Variants in NCAPD3 observed in about 807,000 individuals in gnomAD.
NCAPD3 encodes the protein non-SMC condensin II complex subunit D3.
In NCAPD3, 105 loss-of-function variants were observed where a neutral mutation model predicts 182.9. The observed-to-expected ratio is 0.57, with a 90% CI of 0.49 to 0.68. The LOEUF (loss-of-function observed/expected upper bound fraction) is 0.68, where lower values mean the gene tolerates loss of function less well. Ranked by LOEUF, NCAPD3 falls within the 30% of genes least tolerant of loss-of-function variation. The pLI is 0.00. For missense variants in NCAPD3, 1,944 were observed against 1,837.0 expected, an observed-to-expected ratio of 1.06 and a Z score of -1.07; for synonymous variants, 815 against 679.9, an observed-to-expected ratio of 1.20 and a Z score of -3.09.
At chr11:134,176,235 A>C in intron 24 of NCAPD3, 72 bp downstream of exon 24, 1 of 1,427,874 alleles carries the variant, frequency 7.0e-7, no homozygotes, top group Non-Finnish European at 9.8e-7. Context: ...CCAATCTGAA[A>C]AAAAAAGAAA....
chr11:134,178,455 C>T, intron 22 of NCAPD3, 179 bp downstream of exon 22: 1 of 438,156 alleles, frequency 2.3e-6, no homozygotes, highest in Non-Finnish European at 4.0e-6. Flanking sequence ...GCTCTCATGA[C>T]CAGCACGCAG....
At chr11:134,169,962 G>C (rs1357473607) in intron 24 of NCAPD3, among the ~76,000 whole-genome samples, 1 of 152,220 alleles carries the variant, frequency 6.6e-6, no homozygotes, top group Non-Finnish European at 1.5e-5. Flanking sequence ...GAGAGGAGCA[G>C]TGTCAAAGAC....
chr11:134,178,648 G>A lies in NCAPD3; in HGVS notation c.2768C>T (p.Ala923Val). 1 of 1,555,982 alleles carries A rather than the reference G, an allele frequency of 6.4e-7. No homozygotes were observed. Residue 923 changes from alanine (A) to valine (V), a missense_variant, in exon 22 of 35, where the codon GCC becomes GTC. Around this residue, in one of 3 missense-constraint regions of NCAPD3, gnomAD observed 1,803 missense variants for 1,674.6 expected, o/e 1.08. Transcript: ENST00000534548. ...GTTTTTCTTACCTAAGGTAATGATG[G>A]CATGTGCTCTAATCACAGAGGGCAT... ...SVMPSVIRAH[A>V]IITLGKLCLQ...
intron 13 of NCAPD3, among the ~76,000 whole-genome samples, chr11:134,196,969 C>T (rs1391408865): frequency 1.3e-5 from 2 of 152,110 alleles, no homozygotes; most frequent in Non-Finnish European, 2.9e-5. Flanking sequence ...GTGCTGGAGG[C>T]GGGGCCTGGT....
rs202009125 is a variant in NCAPD3 at position 134,157,022 on chromosome 11, G to C, written c.4248C>G (p.Pro1416=). ...GTGTTCCGATCAGTTACTCACTCTCGGGGGTGCTGATGGCCCGCTTGGTCA... is the reference window on the plus strand; with the variant it reads ...GTGTTCCGATCAGTTACTCACTCTCCGGGGTGCTGATGGCCCGCTTGGTCA... ...EHVTKRAIST[P]EKSISDVTFG... Residue 1416 remains proline (P), a synonymous_variant, in exon 32 of 35, where the codon CCC becomes CCG. Coordinates refer to ENST00000534548, the MANE Select transcript of NCAPD3 (RefSeq NM_015261.3). The C allele has an allele frequency of 4.7e-4, 764 of 1,611,732 alleles. 2 individuals are homozygous for C. Among genetic ancestry groups the C allele is most frequent in the Non-Finnish European group, 1.2e-4 (138 of 1,178,316 alleles).
chr11:134,205,092 G>T (rs1181683129), intron 8 of NCAPD3, 121 bp from the exon 9 acceptor site: 8 of 662,178 alleles, frequency 1.2e-5, no homozygotes, highest in African/African-American at 1.8e-5. Context: ...CTATAAGAGT[G>T]GTTTCAGTAG....
chr11:134,217,349 G>A (rs937581787), intron 2 of NCAPD3, among the ~76,000 whole-genome samples: 8 of 152,070 alleles, frequency 5.3e-5, no homozygotes, highest in African/African-American at 1.9e-4. Context: ...AGAATTTTTT[G>A]TTAAGTTTGT....
At chr11:134,170,473 T>C (rs1319922872) in intron 24 of NCAPD3, among the ~76,000 whole-genome samples, 1 of 152,266 alleles carries the variant, frequency 6.6e-6, no homozygotes, top group African/African-American at 2.4e-5. Context: ...AGGATTTATC[T>C]TCTGTGGTAT....
At chr11:134,205,201 G>C (rs1173384815) in intron 8 of NCAPD3, among the ~76,000 whole-genome samples, 1 of 152,128 alleles carries the variant, frequency 6.6e-6, no homozygotes, top group East Asian at 1.9e-4. Flanking sequence ...CATCAGGTAA[G>C]AACAAAAATG....
At position 134,203,679 on chromosome 11, in the gene NCAPD3, C is replaced by G. The variant is rs767495313; in HGVS notation, c.1443G>C (p.Glu481Asp). 3 of 1,613,664 alleles carry G rather than the reference C, an allele frequency of 1.9e-6. No individual in the cohort carries two copies. Among genetic ancestry groups the G allele is most frequent in the Non-Finnish European group, 2.5e-6 (3 of 1,180,048 alleles). ...CLELTVTSAS[E>D]SILELLINSP... ...TGTTAATCAGGAGCTCCAGGATACT[C>G]TCCGACGCACTGGTAACAGTCAACT... Residue 481 changes from glutamate (E) to aspartate (D), a missense_variant, in exon 11 of 35, where the codon GAG becomes GAC. Glu to Asp is a conservative substitution (Grantham distance 45). Around this residue, in one of 3 missense-constraint regions of NCAPD3, gnomAD observed 1,803 missense variants for 1,674.6 expected, o/e 1.08. Transcript: ENST00000534548.
At chr11:134,217,178 T>C in intron 2 of NCAPD3, 80 bp from the exon 3 acceptor site, 1 of 1,346,690 alleles carries the variant, frequency 7.4e-7, no homozygotes, top group Non-Finnish European at 9.8e-7. Flanking sequence ...TTGTAAGTTC[T>C]TGGTGCCTTA....
rs1371417140 is a variant in NCAPD3, at chr11:134,185,478, G to C, written c.2094C>G (p.Phe698Leu). The change falls in exon 17 of 35, where the codon TTC (phenylalanine) becomes TTG (leucine). Residue 698 changes from phenylalanine to leucine, a missense_variant. By Grantham distance (22) the Phe-to-Leu change is conservative (BLOSUM62 0). Coordinates refer to ENST00000534548, the MANE Select transcript of NCAPD3 (RefSeq NM_015261.3). ...TTACATTGTTTATAAAAGTGGGTGA[G>C]AATTTTTCTTTCTTGGACCAGATAT... ...AFHIWSKKEK[F>L]SPTFINNVIS... The C allele has an allele frequency of 5.0e-6, 8 of 1,611,158 alleles. No homozygotes were observed. Among genetic ancestry groups the C allele is most frequent in the Non-Finnish European group, 6.8e-6 (8 of 1,178,692 alleles).
At chr11:134,154,477 AC>A (rs376790927) in intron 32 of NCAPD3, among the ~76,000 whole-genome samples, 5,879 of 75,474 alleles carry the variant, frequency 0.078, 485 homozygotes, top group African/African-American at 0.2. Context: ...GCTTCTCTGC[AC>A]CCCCCCCCCC....
chr11:134,168,637 T>C (rs373404352), intron 25 of NCAPD3, 35 bp from the exon 26 acceptor site: 25 of 1,612,930 alleles, frequency 1.5e-5, no homozygotes, highest in East Asian at 1.3e-4. Context: ...CTGCATCACA[T>C]GGGCACGGGT....
At position 134,203,057 on chromosome 11, in the gene NCAPD3, TAAG is replaced by T. The variant is rs1482399213; in HGVS notation, c.1525+82_1525+84del. The T allele has an allele frequency of 6.6e-6, 8 of 1,219,136 alleles. No homozygotes were observed. The African/African-American group carries it at 1.2e-4, about 19-fold the overall frequency. 75.5% of individuals were successfully genotyped at this position (1,219,136 alleles called of 1,614,324 possible). ...AAAGTACAATGTTAAAGCAGGTAAATAAGGAGGTAAGAAAAACATTTTAAATAT... is the reference window on the plus strand; with the variant it reads ...AAAGTACAATGTTAAAGCAGGTAAATGAGGTAAGAAAAACATTTTAAATAT... On this transcript the variant is annotated intron_variant, in intron 12 of 34. Transcript: ENST00000534548.
At chr11:134,178,784 G>T (rs753580710) in intron 21 of NCAPD3, 38 bp downstream of exon 21, 2 of 1,608,396 alleles carry the variant, frequency 1.2e-6, no homozygotes, top group Admixed American at 3.3e-5. Flanking sequence ...ACCTTGAAAC[G>T]GCATGCGTGC....
chr11:134,225,050 C>G, upstream of NCAPD3: 4 of 1,451,892 alleles, frequency 2.8e-6, no homozygotes, highest in Non-Finnish European at 3.7e-6. Flanking sequence ...CTCTGGCCTT[C>G]TTTACCTAGG....
At chr11:134,224,543 C>T (rs1938381541), upstream of NCAPD3, 1 of 152,378 alleles carries the variant, frequency 6.6e-6, no homozygotes, top group Non-Finnish European at 1.5e-5. Flanking sequence ...GCCGGCCGCG[C>T]TCTCCCTGCG....
At chr11:134,180,649 T>A (rs1944275866) in intron 20 of NCAPD3, among the ~76,000 whole-genome samples, 1 of 152,248 alleles carries the variant, frequency 6.6e-6, no homozygotes, top group Non-Finnish European at 1.5e-5. Context: ...TGGCAATTGC[T>A]CAGCACTGTT....
Sources: allele counts gnomAD v4.1 joint callset (sites outside exome capture counted in the v4.1 genomes callset), GRCh38; gene constraint gnomAD v4.1.1; regional missense constraint gnomAD v4.1.1; transcripts MANE v1.5; gene names NCBI Gene and HGNC (gene_info 2026-07-23, HGNC 2026-07-21).